Variants in PIAS1 observed in about 807,000 individuals in gnomAD.
The protein encoded by PIAS1 is protein inhibitor of activated STAT 1, also known as E3 SUMO-protein ligase PIAS1.
In PIAS1, 6 loss-of-function variants were observed where a neutral mutation model predicts 71.3. That is an observed-to-expected ratio of 0.08 (90% CI 0.05 to 0.17). PIAS1 has a LOEUF of 0.17. PIAS1 is among the 10% of genes least tolerant of loss of function. The pLI is 1.00. For missense variants in PIAS1, 555 were observed against 793.6 expected, an observed-to-expected ratio of 0.70 and a Z score of 3.61; for synonymous variants, 303 against 292.9, an observed-to-expected ratio of 1.03 and a Z score of -0.35.
chr15:68,172,496 T>C (rs182369193), intron 8 of PIAS1, among the ~76,000 whole-genome samples: 2 of 152,222 alleles, frequency 1.3e-5, no homozygotes. Context: ...ATTGCCACAC[T>C]GTGTTCCACA....
rs573989223 is a variant in PIAS1, at chr15:68,157,268, G to A, written c.934+3573G>A. ...TGAGACCTGGCTCCCTCATATATCT[G>A]CTCTTTGTCCTGTGTTTTCAGTTCC... On this transcript the variant is annotated intron_variant, in intron 7 of 13. Coordinates refer to ENST00000249636, the MANE Select transcript of PIAS1 (RefSeq NM_016166.3). Among the ~76,000 whole-genome samples, 13 of 152,258 alleles carry A rather than the reference G, an allele frequency of 8.5e-5. No individual in the cohort carries two copies. The South Asian group carries it at 2.7e-3, about 32-fold the overall frequency.
intron 1 of PIAS1, among the ~76,000 whole-genome samples, chr15:68,074,853 T>C (rs1222478386): frequency 6.6e-6 from 1 of 151,740 alleles, no homozygotes; most frequent in East Asian, 1.9e-4. Context: ...TTTTTTTTTC[T>C]TTTTGCTTTT....
intron 2 of PIAS1, among the ~76,000 whole-genome samples, chr15:68,136,764 A>G (rs1270711675): frequency 6.6e-6 from 1 of 152,192 alleles, no homozygotes; most frequent in Non-Finnish European, 1.5e-5. Context: ...GGACCACATA[A>G]AAATCTTTTA....
rs1339764074 is a variant in PIAS1 at position 68,058,999 on chromosome 15, AC to A, written c.24+4650del. The stretch of plus-strand genomic sequence containing the variant: ...AAACTAGTCCCTGTCAGATTATTCT[AC>A]TTTTTTTTTTTTTTTTTTTTTTGAG... On this transcript the variant is annotated intron_variant, in intron 1 of 13. Transcript: ENST00000249636. Among the ~76,000 whole-genome samples the A allele has an allele frequency of 6.0e-3, 689 of 114,604 alleles. 6 individuals carry two copies. Among genetic ancestry groups the A allele is most frequent in the African/African-American group, 0.022 (649 of 29,768 alleles). The allele number at this position is 114,604 out of a possible 152,430, so 75.2% of individuals were successfully genotyped here.
At chr15:68,184,131 T>C (rs148877682) in intron 13 of PIAS1, 430 of 153,120 alleles carry the variant, frequency 2.8e-3, no homozygotes, top group Admixed American at 7.8e-3. Flanking sequence ...CTTGTCTTGT[T>C]TTGTTCATCA....
chr15:68,150,794 T>C (rs2092838555), intron 6 of PIAS1, among the ~76,000 whole-genome samples: 1 of 152,170 alleles, frequency 6.6e-6, no homozygotes, highest in African/African-American at 2.4e-5. Flanking sequence ...GATACTTGTT[T>C]GAGCATTTCA....
At chr15:68,072,999 G>A (rs1597131743) in intron 1 of PIAS1, among the ~76,000 whole-genome samples, 1 of 151,988 alleles carries the variant, frequency 6.6e-6, no homozygotes, top group East Asian at 1.9e-4. Context: ...TTATTTGTGA[G>A]AGGTTATATG....
intron 2 of PIAS1, among the ~76,000 whole-genome samples, chr15:68,089,867 A>G (rs1020602924): frequency 6.8e-5 from 10 of 147,636 alleles, no homozygotes; most frequent in Non-Finnish European, 1.5e-4. Context: ...CATAACATTT[A>G]TTTTTTAAAT....
At chr15:68,121,491 G>A (rs531528859) in intron 2 of PIAS1, among the ~76,000 whole-genome samples, 72 of 151,742 alleles carry the variant, frequency 4.7e-4, no homozygotes, top group African/African-American at 1.7e-3. Context: ...TGTGCATAGG[G>A]TTTATTGATT....
intron 8 of PIAS1, among the ~76,000 whole-genome samples, chr15:68,166,467 C>T (rs1172538139): frequency 2.0e-5 from 3 of 151,524 alleles, no homozygotes; most frequent in African/African-American, 7.3e-5. Flanking sequence ...ATTTATTCTA[C>T]CCTCTTTCTC....
chr15:68,151,683 A>AACAC (rs754171390), intron 6 of PIAS1, among the ~76,000 whole-genome samples: 2,614 of 134,828 alleles, frequency 0.019, 97 homozygotes, highest in African/African-American at 0.069. Flanking sequence ...AAAAAAACAA[A>AACAC]ACACACACAC....
At position 68,086,701 on chromosome 15, in the gene PIAS1, A is replaced by G. The variant is rs373751219; in HGVS notation, c.420A>G (p.Lys140=). Residue 140 remains lysine (K), a synonymous_variant, in exon 2 of 14, where the codon AAA becomes AAG. Transcript: ENST00000249636. The surrounding 1 kb of genome is among the most constrained non-coding windows in gnomAD (Gnocchi z 7.2). The part of the protein sequence containing the change: ...HPVHPDIKLQ[K]LPFYDLLDEL... ...TCCATCCGGATATAAAACTTCAAAA[A>G]TTACCATTTTATGATTTACTGGATG... The G allele has an allele frequency of 2.5e-6, 4 of 1,613,284 alleles. No homozygotes were observed. Among genetic ancestry groups the G allele is most frequent in the African/African-American group, 2.7e-5 (2 of 74,880 alleles).
At chr15:68,150,703 T>A (rs898442089) in intron 6 of PIAS1, among the ~76,000 whole-genome samples, 1 of 152,166 alleles carries the variant, frequency 6.6e-6, no homozygotes, top group Non-Finnish European at 1.5e-5. Flanking sequence ...AGAGAAATTA[T>A]TTAGATGTAG....
chr15:68,136,045 G>A (rs1192047714), intron 2 of PIAS1, among the ~76,000 whole-genome samples: 1 of 57,098 alleles, frequency 1.8e-5, no homozygotes, highest in Non-Finnish European at 6.7e-5. Flanking sequence ...AGATGGGATG[G>A]CGGCCGGGCA....
chr15:68,119,520 A>G (rs1332646518), intron 2 of PIAS1, among the ~76,000 whole-genome samples: 1 of 152,024 alleles, frequency 6.6e-6, no homozygotes, highest in Non-Finnish European at 1.5e-5. Context: ...ATTGAATTCT[A>G]CTGTGGGACA....
chr15:68,132,645 T>C (rs183061043), intron 2 of PIAS1, among the ~76,000 whole-genome samples: 6 of 152,252 alleles, frequency 3.9e-5, no homozygotes, highest in Non-Finnish European at 7.4e-5. Flanking sequence ...TCCTTACTTA[T>C]GGTTAAGGGA....
intron 1 of PIAS1, among the ~76,000 whole-genome samples, chr15:68,065,845 ATCC>A (rs2092015739): frequency 1.5e-5 from 2 of 130,320 alleles, no homozygotes; most frequent in African/African-American, 6.0e-5. Context: ...GGCTCAAATG[ATCC>A]TTCCACCTCA....
chr15:68,062,262 A>G (rs921796585), intron 1 of PIAS1, among the ~76,000 whole-genome samples: 1 of 152,226 alleles, frequency 6.6e-6, no homozygotes, highest in South Asian at 2.1e-4. Flanking sequence ...AAATAGGGTA[A>G]AAATGGAAAG....
chr15:68,143,099 T>C (rs997624912), intron 4 of PIAS1, among the ~76,000 whole-genome samples: 4 of 152,008 alleles, frequency 2.6e-5, no homozygotes, highest in Non-Finnish European at 5.9e-5. Flanking sequence ...CTCCCTTATA[T>C]AAACCATCAT....
Sources: gnomAD v4.1 joint callset for allele counts (sites outside exome capture counted in the v4.1 genomes callset) on GRCh38, gnomAD v4.1.1 for gene constraint, Gnocchi (gnomAD v3.1) non-coding constraint, MANE v1.5 for transcripts, NCBI Gene and HGNC (gene_info 2026-07-23, HGNC 2026-07-21) for gene names.